Variants in ARMC2 observed in about 807,000 individuals in gnomAD.
ARMC2 encodes the protein armadillo repeat containing 2, also known as armadillo repeat-containing protein 2.
A neutral mutation model predicts 90.3 loss-of-function variants in ARMC2; 67 were observed. That is an observed-to-expected ratio of 0.74 (90% CI 0.61 to 0.91). ARMC2 has a LOEUF of 0.91. Ranked by LOEUF, ARMC2 falls within the 40% of genes least tolerant of loss-of-function variation. The pLI is 0.00. For missense variants in ARMC2, 920 were observed against 1,030.9 expected (o/e 0.89, Z 1.47); for synonymous variants, 393 against 393.0 (o/e 1.00, Z 0.00).
In ARMC2 at chr6:108,858,239, A is replaced by G. The variant is rs748180938; in HGVS notation, c.259A>G (p.Ile87Val). The G allele has an allele frequency of 8.7e-6, 14 of 1,611,224 alleles. No homozygotes were observed. In the South Asian group the frequency reaches 1.4e-4, roughly 16 times the overall value. The change falls in exon 3 of 18, where the codon ATC (isoleucine) becomes GTC (valine). Residue 87 changes from isoleucine to valine, a missense_variant. Transcript: ENST00000392644. ...TTTTGAGTCATCTGATTCCAGGCCT[A>G]TCTCTGGCACACGTCTTAGTCCACT... ...SSFESSDSRPISGTRLSPLEL... is the reference protein window; with the variant it reads ...SSFESSDSRPVSGTRLSPLEL...
chr6:108,899,801 C>T lies in ARMC2; in HGVS notation c.847+9C>T. 1 of 1,567,420 alleles carries T rather than the reference C, an allele frequency of 6.4e-7. No homozygotes were observed. ...GCGTGAATTAGAAAAGGGTAAAACA[C>T]AAACAAACAAACAAAAAACCGTTTT... On this transcript the variant is annotated intron_variant, in intron 7 of 17. Transcript: ENST00000392644.
At chr6:108,875,221 C>T (rs962305347) in intron 4 of ARMC2, among the ~76,000 whole-genome samples, 16 of 152,186 alleles carry the variant, frequency 1.1e-4, no homozygotes, top group Non-Finnish European at 1.9e-4. Flanking sequence ...TAAGAATCTG[C>T]AGTCATGAGC....
chr6:108,971,413 G>T (rs1429495471), intron 17 of ARMC2, among the ~76,000 whole-genome samples: 5 of 152,136 alleles, frequency 3.3e-5, no homozygotes, highest in African/African-American at 1.2e-4. Flanking sequence ...TGTCTGCCTG[G>T]AGCTTATCTC....
At chr6:108,856,775 C>G (rs1774664835) in intron 2 of ARMC2, 1 of 152,294 alleles carries the variant, frequency 6.6e-6, no homozygotes, top group Non-Finnish European at 1.5e-5. Context: ...CTTGAATACA[C>G]TGAGCCTCCA....
chr6:108,863,626 A>G (rs1775507910), intron 3 of ARMC2, among the ~76,000 whole-genome samples: 1 of 152,206 alleles, frequency 6.6e-6, no homozygotes, highest in Non-Finnish European at 1.5e-5. Context: ...GACCATGTGA[A>G]TACACAGGAA....
At chr6:108,997,563 T>C in the ARMC2 span, among the ~76,000 whole-genome samples, 12 of 152,226 alleles carry the variant, frequency 7.9e-5, no homozygotes, top group African/African-American at 2.9e-4. Context: ...CTAAGTGCTG[T>C]ACTTGGCATT....
At chr6:109,035,976 C>A in the ARMC2 span, among the ~76,000 whole-genome samples, 1 of 152,118 alleles carries the variant, frequency 6.6e-6, no homozygotes, top group African/African-American at 2.4e-5. Context: ...TAGTAATTGC[C>A]CTCCTTATTG....
At position 108,868,957 on chromosome 6, in the gene ARMC2, G is replaced by A. The variant is rs554204061; in HGVS notation, c.425G>A (p.Arg142Gln). ...CGCTTATTCAGGGCTGCCTCCCAGC[G>A]GGCCCTTCTGCCGGACAGATCCCTT... ...RARLFRAASQ[R>Q]ALLPDRSLPP... The change falls in exon 4 of 18, where the codon CGG becomes CAG. Residue 142 changes from arginine (R) to glutamine (Q), a missense_variant. Physicochemically the swap from Arg to Gln is conservative, Grantham distance 43. Transcript: ENST00000392644. 11 of 1,613,760 alleles carry A rather than the reference G, an allele frequency of 6.8e-6. No individual in the cohort carries two copies. The highest frequency in any genetic ancestry group is 3.3e-4 in the Middle Eastern group (2 of 6,060).
intron 3 of ARMC2, among the ~76,000 whole-genome samples, chr6:108,860,468 C>T: frequency 6.6e-6 from 1 of 152,004 alleles, no homozygotes; most frequent in Non-Finnish European, 1.5e-5. Flanking sequence ...CGAGACCATC[C>T]TGCCTAACAC....
chr6:108,962,056 T>C lies in ARMC2; in HGVS notation c.2081T>C (p.Leu694Pro), dbSNP rs758334748. The change falls in exon 15 of 18, where the codon CTG (leucine) becomes CCG (proline). Residue 694 changes from leucine (L) to proline (P), a missense_variant. Transcript: ENST00000392644. Reference sequence around the variant, plus strand: ...GTCAGTAACAACATGGATGGAATCCTGGAGGCTGTGCGTGTTTTCGGAAAT... The same window carrying C: ...GTCAGTAACAACATGGATGGAATCCCGGAGGCTGTGCGTGTTTTCGGAAAT... ...LLVSNNMDGI[L>P]EAVRVFGNLS... 6.2e-7 allele frequency: 1 copy of C among 1,613,630 alleles called. No individual in the cohort carries two copies. Among genetic ancestry groups the C allele is most frequent in the South Asian group, 1.1e-5 (1 of 90,892 alleles).
At chr6:108,942,700 C>T (rs1776541907) in intron 12 of ARMC2, among the ~76,000 whole-genome samples, 1 of 152,084 alleles carries the variant, frequency 6.6e-6, no homozygotes. Flanking sequence ...ATATACACAG[C>T]CATTGCCAAG....
At chr6:108,947,636 G>A (rs919462220) in intron 12 of ARMC2, among the ~76,000 whole-genome samples, 3 of 152,106 alleles carry the variant, frequency 2.0e-5, no homozygotes, top group Non-Finnish European at 4.4e-5. Context: ...GCTCATTGGG[G>A]CATAACATCT....
chr6:108,961,777 T>A (rs1778018303), intron 14 of ARMC2, 83 bp downstream of exon 14: 1 of 1,414,628 alleles, frequency 7.1e-7, no homozygotes, highest in Non-Finnish European at 9.5e-7. Context: ...CAGGAGACAT[T>A]ACTATCTTCT....
At chr6:108,880,583 G>T (rs957301954) in intron 5 of ARMC2, among the ~76,000 whole-genome samples, 1 of 152,200 alleles carries the variant, frequency 6.6e-6, no homozygotes, top group African/African-American at 2.4e-5. Flanking sequence ...GATCAAGTTC[G>T]AGGATGACAT....
intron 4 of ARMC2, among the ~76,000 whole-genome samples, chr6:108,873,256 A>G (rs908011374): frequency 2.0e-5 from 3 of 152,208 alleles, no homozygotes; most frequent in Non-Finnish European, 2.9e-5. Flanking sequence ...AACCATTTAA[A>G]AATACAAAAA....
intron 4 of ARMC2, among the ~76,000 whole-genome samples, chr6:108,873,364 C>T (rs1454424479): frequency 6.6e-6 from 1 of 152,076 alleles, no homozygotes; most frequent in Non-Finnish European, 1.5e-5. Context: ...GGGATGACAT[C>T]CCAGCACCTC....
rs747614348 is a variant in ARMC2 at position 108,912,380 on chromosome 6, T to C, written c.1172T>C (p.Met391Thr). 1 of 1,611,998 alleles carries C rather than the reference T, an allele frequency of 6.2e-7. No homozygotes were observed. The highest frequency in any genetic ancestry group is 1.1e-5 in the South Asian group (1 of 90,186). The change falls in exon 10 of 18, where the codon ATG becomes ACG. Residue 391 changes from methionine to threonine, a missense_variant. Transcript: ENST00000392644. The part of the protein sequence containing the change: ...VLRSEDLQTN[M>T]EAFLYCMGSI... ...AGAAGTGAAGACCTGCAAACTAACATGGAAGCTTTTTTATACTGTATGGGG... is the reference window on the plus strand; with the variant it reads ...AGAAGTGAAGACCTGCAAACTAACACGGAAGCTTTTTTATACTGTATGGGG...
At chr6:108,927,705 A>C (rs1038035695) in intron 10 of ARMC2, among the ~76,000 whole-genome samples, 12 of 105,718 alleles carry the variant, frequency 1.1e-4, no homozygotes, top group Non-Finnish European at 2.8e-4. Context: ...AATACCTATA[A>C]AATTAAAAAA....
In ARMC2 at chr6:108,936,929, C is replaced by G; in HGVS notation, c.1526C>G (p.Thr509Arg). 1 of 1,603,448 alleles carries G rather than the reference C, an allele frequency of 6.2e-7. No individual in the cohort carries two copies. The highest frequency in any genetic ancestry group is 8.5e-7 in the Non-Finnish European group (1 of 1,174,392). Residue 509 changes from threonine to arginine, a missense_variant, in exon 12 of 18, where the codon ACA becomes AGA. Thr to Arg is a moderately conservative substitution (Grantham distance 71, BLOSUM62 -1). Transcript: ENST00000392644. The stretch of plus-strand genomic sequence containing the variant: ...CTTACTTCTTACCGTGACTGCTGCA[C>G]AGCCTTGGCCAGCTATTCCAGATGT... ...SKLTSYRDCC[T>R]ALASYSRCYA... is the part of the protein sequence containing the mutation.
Sources: allele counts gnomAD v4.1 joint callset (sites outside exome capture counted in the v4.1 genomes callset), GRCh38; gene constraint gnomAD v4.1.1; transcripts MANE v1.5; gene names NCBI Gene and HGNC (gene_info 2026-07-23, HGNC 2026-07-21).